Variants in PDE1A observed in about 807,000 individuals in gnomAD.
PDE1A encodes phosphodiesterase 1A, also known as dual specificity calcium/calmodulin-dependent 3',5'-cyclic nucleotide phosphodiesterase 1A.
PDE1A carries 35 observed loss-of-function variants against 61.7 expected under a neutral mutation model. The observed-to-expected ratio is 0.57, with a 90% CI of 0.43 to 0.75. The LOEUF is 0.75. Among genes scored for constraint, PDE1A ranks in the 30% least tolerant of loss-of-function variants. PDE1A has a pLI of 0.00. For synonymous variants in PDE1A, 232 were observed against 213.2 expected, an observed-to-expected ratio of 1.09 and a Z score of -0.77; for missense variants, 597 against 630.6, an observed-to-expected ratio of 0.95 and a Z score of 0.57.
intron 1 of PDE1A, among the ~76,000 whole-genome samples, chr2:182,417,541 A>G (rs1286000922): frequency 6.6e-6 from 1 of 152,190 alleles, no homozygotes; most frequent in Non-Finnish European, 1.5e-5. Flanking sequence ...CTATATCCTA[A>G]AAAAGCATTG....
the PDE1A span, among the ~76,000 whole-genome samples, chr2:182,547,475 C>G: frequency 6.6e-6 from 1 of 152,178 alleles, no homozygotes; most frequent in Non-Finnish European, 1.5e-5. Context: ...CAGACGGGAA[C>G]TAATTAATCA....
chr2:182,383,433 A>T (rs2125327464), intron 1 of PDE1A, among the ~76,000 whole-genome samples: 1 of 152,358 alleles, frequency 6.6e-6, no homozygotes, highest in East Asian at 1.9e-4. Context: ...TCATAAATAC[A>T]GGAAATGACC....
At chr2:182,646,120 A>G in the PDE1A span, among the ~76,000 whole-genome samples, 14 of 152,184 alleles carry the variant, frequency 9.2e-5, no homozygotes, top group African/African-American at 3.1e-4. Context: ...AGTTAGATGG[A>G]TAAGAATATA....
intron 2 of PDE1A, among the ~76,000 whole-genome samples, chr2:182,517,285 C>T (rs1690265109): frequency 6.6e-6 from 1 of 152,092 alleles, no homozygotes. Context: ...TATATCTGCA[C>T]AATTCTAACA....
At chr2:182,563,558 G>C in the PDE1A span, among the ~76,000 whole-genome samples, 1 of 152,142 alleles carries the variant, frequency 6.6e-6, no homozygotes, top group Non-Finnish European at 1.5e-5. Context: ...GAGTTCTGTA[G>C]ATGTCTATTA....
chr2:182,692,431 AC>A, the PDE1A span, among the ~76,000 whole-genome samples: 1 of 151,766 alleles, frequency 6.6e-6, no homozygotes, highest in African/African-American at 2.4e-5. Flanking sequence ...AAAAAACCAA[AC>A]ACCCCATGTT....
chr2:182,282,238 A>C (rs1444906088), intron 1 of PDE1A, among the ~76,000 whole-genome samples: 1 of 151,966 alleles, frequency 6.6e-6, no homozygotes, highest in African/African-American at 2.4e-5. Flanking sequence ...TCCACTATCC[A>C]TGCTCAAGTA....
intron 2 of PDE1A, among the ~76,000 whole-genome samples, chr2:182,455,841 G>A (rs186397559): frequency 2.4e-3 from 361 of 151,610 alleles, no homozygotes; most frequent in African/African-American, 8.2e-3. Flanking sequence ...CACCAACATG[G>A]CACATGTATA....
At chr2:182,352,013 C>A (rs182976293) in intron 1 of PDE1A, among the ~76,000 whole-genome samples, 136 of 152,332 alleles carry the variant, frequency 8.9e-4, no homozygotes, top group Admixed American at 1.5e-3. Context: ...AATTTTCACA[C>A]ATAAAGATGT....
At chr2:182,153,268 T>C (rs545074619) in intron 13 of PDE1A, among the ~76,000 whole-genome samples, 1 of 152,284 alleles carries the variant, frequency 6.6e-6, no homozygotes, top group Non-Finnish European at 1.5e-5. Flanking sequence ...TTGAAAGAGT[T>C]TTCTAAAATT....
chr2:182,669,364 AG>A, the PDE1A span, among the ~76,000 whole-genome samples: 2 of 152,362 alleles, frequency 1.3e-5, no homozygotes, highest in Middle Eastern at 3.4e-3. Context: ...ACAAAGTCAA[AG>A]ACTGTTCCCA....
chr2:182,473,508 A>C (rs2125816324), intron 2 of PDE1A, among the ~76,000 whole-genome samples: 1 of 152,014 alleles, frequency 6.6e-6, no homozygotes, highest in East Asian at 1.9e-4. Flanking sequence ...TATACTTTTA[A>C]GTTCAGGGGT....
At chr2:182,614,152 A>T in the PDE1A span, among the ~76,000 whole-genome samples, 1 of 152,256 alleles carries the variant, frequency 6.6e-6, no homozygotes, top group African/African-American at 2.4e-5. Context: ...TACCAAGTTG[A>T]TAGAACCTAC....
At chr2:182,401,422 A>C (rs1440769543) in intron 1 of PDE1A, among the ~76,000 whole-genome samples, 2 of 152,230 alleles carry the variant, frequency 1.3e-5, no homozygotes, top group African/African-American at 4.8e-5. Context: ...GACAAAAAAC[A>C]TATGATTATC....
the PDE1A span, among the ~76,000 whole-genome samples, chr2:182,698,381 C>T: frequency 6.6e-6 from 1 of 152,134 alleles, no homozygotes; most frequent in African/African-American, 2.4e-5. Context: ...GATATTATAT[C>T]AGCAGAATGA....
rs552106255 is a variant in PDE1A at position 182,522,095 on chromosome 2, T to A, written c.101+181A>T. The stretch of plus-strand genomic sequence containing the variant: ...CAGAAGTTACCTTACTTTAATAACA[T>A]GTGCAAGTACAAAAAATCATTCGTC... On this transcript the variant is annotated intron_variant, in intron 2 of 14. Transcript: ENST00000410103. Among the ~76,000 whole-genome samples, 248 of 152,298 alleles carry A rather than the reference T, an allele frequency of 1.6e-3. 1 individual carries two copies. Among genetic ancestry groups the A allele is most frequent in the South Asian group, 7.7e-3 (37 of 4,828 alleles).
chr2:182,683,466 A>G, the PDE1A span, among the ~76,000 whole-genome samples: 2 of 152,018 alleles, frequency 1.3e-5, no homozygotes, highest in African/African-American at 4.8e-5. Context: ...CAAAAAATAA[A>G]CTCCAAATGG....
At chr2:182,395,080 T>C (rs1297308235) in intron 1 of PDE1A, among the ~76,000 whole-genome samples, 1 of 152,238 alleles carries the variant, frequency 6.6e-6, no homozygotes, top group Non-Finnish European at 1.5e-5. Flanking sequence ...GTACCAGATG[T>C]GGTTTCACTG....
chr2:182,146,854 T>A (rs1367712722), downstream of PDE1A, among the ~76,000 whole-genome samples: 1 of 152,148 alleles, frequency 6.6e-6, no homozygotes, highest in Non-Finnish European at 1.5e-5. Flanking sequence ...ATTAACAAAT[T>A]AAGAACTATT....
Sources: allele counts gnomAD v4.1 joint callset (sites outside exome capture counted in the v4.1 genomes callset), GRCh38; gene constraint gnomAD v4.1.1; transcripts MANE v1.5; gene names NCBI Gene and HGNC (gene_info 2026-07-23, HGNC 2026-07-21).